PDZRN3: variants seen among roughly 807,000 people sequenced by gnomAD.
The protein encoded by PDZRN3 is PDZ domain containing ring finger 3, also known as E3 ubiquitin-protein ligase PDZRN3.
A neutral mutation model predicts 85.7 loss-of-function variants in PDZRN3; 38 were observed. That is an observed-to-expected ratio of 0.44 (90% CI 0.34 to 0.58). The LOEUF is 0.58. PDZRN3 is among the 20% of genes least tolerant of loss of function. The probability of loss-of-function intolerance (pLI) is 0.01; values close to 1 mark genes in which losing one functional copy is unlikely to be tolerated. For missense variants in PDZRN3, 1,629 were observed against 1,506.4 expected, an observed-to-expected ratio of 1.08 and a Z score of -1.35; for synonymous variants, 759 against 638.0, an observed-to-expected ratio of 1.19 and a Z score of -2.86.
At chr3:73,545,392 G>C (rs2106791158) in intron 3 of PDZRN3, among the ~76,000 whole-genome samples, 1 of 152,308 alleles carries the variant, frequency 6.6e-6, no homozygotes, top group Non-Finnish European at 1.5e-5. Flanking sequence ...CTGCTGTAAA[G>C]TTTATGAAAA....
intron 3 of PDZRN3, among the ~76,000 whole-genome samples, chr3:73,600,337 ACTCTCTCTCT>A (rs1553706426): frequency 1.0e-5 from 1 of 100,052 alleles, no homozygotes; most frequent in African/African-American, 4.3e-5. Context: ...ACACACACAC[ACTCTCTCTCT>A]CTCTCTCTCT....
chr3:73,473,644 G>T (rs1158841230), intron 3 of PDZRN3, among the ~76,000 whole-genome samples: 2 of 152,180 alleles, frequency 1.3e-5, no homozygotes, highest in Non-Finnish European at 2.9e-5. Context: ...ATAATCCTTT[G>T]AAGTACTACT....
At chr3:73,543,017 G>C (rs746393233) in intron 3 of PDZRN3, among the ~76,000 whole-genome samples, 50 of 152,230 alleles carry the variant, frequency 3.3e-4, no homozygotes, top group Non-Finnish European at 5.1e-4. Context: ...TCTATTTGGT[G>C]ATTAATATTT....
At chr3:73,432,106 G>A (rs891206288) in intron 3 of PDZRN3, among the ~76,000 whole-genome samples, 4 of 152,170 alleles carry the variant, frequency 2.6e-5, no homozygotes, top group Non-Finnish European at 4.4e-5. Flanking sequence ...CAAATATAGC[G>A]TCAAAAGTCT....
chr3:73,456,184 A>ATGTG (rs10608893), intron 3 of PDZRN3, among the ~76,000 whole-genome samples: 94 of 150,754 alleles, frequency 6.2e-4, no homozygotes, highest in Middle Eastern at 3.4e-3. Flanking sequence ...GAGAAGAAAA[A>ATGTG]TGTGTGTGTG....
chr3:73,417,506 C>G (rs536442970), intron 3 of PDZRN3, among the ~76,000 whole-genome samples: 1 of 152,176 alleles, frequency 6.6e-6, no homozygotes, highest in Non-Finnish European at 1.5e-5. Context: ...AGCACAAAAA[C>G]TAACTTTATG....
intron 3 of PDZRN3, among the ~76,000 whole-genome samples, chr3:73,413,889 C>A (rs978640777): frequency 6.6e-6 from 1 of 152,154 alleles, no homozygotes; most frequent in Non-Finnish European, 1.5e-5. Flanking sequence ...AGTCTACTGA[C>A]CTTTCCCAGG....
At position 73,624,229 on chromosome 3, in the gene PDZRN3, C is replaced by T; in HGVS notation, c.597G>A (p.Val199=). The change falls in exon 1 of 10, where the codon GTG becomes GTA. Residue 199 remains valine, a synonymous_variant. Coordinates refer to ENST00000263666, the MANE Select transcript of PDZRN3 (RefSeq NM_015009.3). The part of the protein sequence containing the change: ...LRAGKREKSL[V]AQLAAAQLEL... The stretch of plus-strand genomic sequence containing the variant: ...CAAGCTGCGCCGCGGCCAGCTGGGC[C>T]ACCAGCGACTTCTCGCGCTTCCCAG... The T allele has an allele frequency of 6.8e-7, 1 of 1,479,914 alleles. No individual in the cohort carries two copies. The highest frequency in any genetic ancestry group is 1.3e-5 in the South Asian group (1 of 77,416). 91.7% of individuals were successfully genotyped at this position (1,479,914 alleles called of 1,614,324 possible). A position where few individuals can be genotyped will look rare whatever the true frequency, so the allele number is the denominator to read the frequency against.
At position 73,618,621 on chromosome 3, in the gene PDZRN3, G is replaced by A. The variant is rs574278896; in HGVS notation, c.723+5482C>T. ...TTTTCTTTTAAGCTCCTTGGTCTAC[G>A]GTCCAATGCATAATTGCCTTATAAA... On this transcript the variant is annotated intron_variant, in intron 1 of 9. Coordinates refer to ENST00000263666, the MANE Select transcript of PDZRN3 (RefSeq NM_015009.3). Among the ~76,000 whole-genome samples, 42 of 152,232 alleles carry A rather than the reference G, an allele frequency of 2.8e-4. 1 individual carries two copies. The South Asian group carries it at 8.5e-3, about 31-fold the overall frequency.
chr3:73,598,834 G>A lies in PDZRN3; in HGVS notation c.918+3520C>T, dbSNP rs1559753271. 2.0e-5 allele frequency among the ~76,000 whole-genome samples: 3 copies of A among 152,184 alleles called. No individual in the cohort carries two copies. In the South Asian group the frequency reaches 6.2e-4, roughly 32 times the overall value. The stretch of plus-strand genomic sequence containing the variant: ...CTGAGCAACTCAATTCCTATCTCAA[G>A]GTTTTGGAATAAGTCAAACCTCTAC... On this transcript the variant is annotated intron_variant, in intron 3 of 9. Transcript: ENST00000263666.
intron 3 of PDZRN3, among the ~76,000 whole-genome samples, chr3:73,503,067 T>C (rs1704011871): frequency 1.3e-5 from 2 of 152,244 alleles, no homozygotes; most frequent in South Asian, 4.1e-4. Flanking sequence ...TTTGTTGTTT[T>C]GAATAAAACA....
At chr3:73,580,880 T>C (rs1200770743) in intron 3 of PDZRN3, among the ~76,000 whole-genome samples, 1 of 152,240 alleles carries the variant, frequency 6.6e-6, no homozygotes, top group African/African-American at 2.4e-5. Context: ...GTGGCTTCAA[T>C]TGCGTCTTGC....
intron 3 of PDZRN3, among the ~76,000 whole-genome samples, chr3:73,492,152 G>GC (rs1169883348): frequency 6.6e-6 from 1 of 152,112 alleles, no homozygotes; most frequent in Non-Finnish European, 1.5e-5. Context: ...AGCATATCAG[G>GC]CCCCCAAACC....
intron 2 of PDZRN3, among the ~76,000 whole-genome samples, chr3:73,607,475 A>G (rs992196364): frequency 6.6e-6 from 1 of 152,128 alleles, no homozygotes; most frequent in Non-Finnish European, 1.5e-5. Flanking sequence ...GAGTACATCA[A>G]TGAGAGCAGT....
intron 3 of PDZRN3, among the ~76,000 whole-genome samples, chr3:73,584,484 T>C (rs1702250154): frequency 2.3e-5 from 1 of 43,544 alleles, no homozygotes; most frequent in African/African-American, 3.9e-5. Context: ...TGTGTGTGTG[T>C]GTGTGTGTGT....
At chr3:73,558,123 C>A (rs2106821777) in intron 3 of PDZRN3, among the ~76,000 whole-genome samples, 1 of 148,200 alleles carries the variant, frequency 6.7e-6, no homozygotes, top group Non-Finnish European at 1.5e-5. Context: ...ATTCTGTTGC[C>A]AAAAATAGCC....
chr3:73,471,907 C>A (rs1055367097), intron 3 of PDZRN3, among the ~76,000 whole-genome samples: 2 of 152,218 alleles, frequency 1.3e-5, no homozygotes, highest in African/African-American at 2.4e-5. Context: ...ATTTAGTAAT[C>A]ACTGAAACAC....
At chr3:73,613,103 T>C (rs897841266) in intron 1 of PDZRN3, among the ~76,000 whole-genome samples, 6 of 152,336 alleles carry the variant, frequency 3.9e-5, no homozygotes, top group Non-Finnish European at 8.8e-5. Context: ...AATATCATTA[T>C]ATATTCCTAA....
chr3:73,504,536 C>T (rs1029073571), intron 3 of PDZRN3, among the ~76,000 whole-genome samples: 2 of 152,286 alleles, frequency 1.3e-5, no homozygotes, highest in South Asian at 2.1e-4. Flanking sequence ...GGACTCAATT[C>T]GGCCCTGACA....
Sources: gnomAD v4.1 joint callset for allele counts (sites outside exome capture counted in the v4.1 genomes callset) on GRCh38, gnomAD v4.1.1 for gene constraint, MANE v1.5 for transcripts, NCBI Gene and HGNC (gene_info 2026-07-23, HGNC 2026-07-21) for gene names.